Variants in REV3L observed in about 807,000 individuals in gnomAD.
The protein encoded by REV3L is REV3 like, DNA directed polymerase zeta catalytic subunit.
Under a neutral mutation model 299.4 loss-of-function variants are expected in REV3L, and 69 were observed. The ratio of observed to expected loss-of-function variants is 0.23; its 90% CI spans 0.19 to 0.28. REV3L has a LOEUF of 0.28. Ranked by LOEUF, REV3L falls within the 10% of genes least tolerant of loss-of-function variation. The probability of loss-of-function intolerance (pLI) is 1.00; values close to 1 mark genes in which losing one functional copy is unlikely to be tolerated. For missense variants in REV3L, 3,128 were observed against 3,693.8 expected (o/e 0.85, Z 3.97); for synonymous variants, 1,238 against 1,271.4 (o/e 0.97, Z 0.56).
At chr6:111,428,833 G>GA (rs888127505) in intron 1 of REV3L, among the ~76,000 whole-genome samples, 8 of 151,826 alleles carry the variant, frequency 5.3e-5, no homozygotes, top group East Asian at 3.9e-4. Context: ...AGAAATAACA[G>GA]AAAAAAATCC....
intron 4 of REV3L, among the ~76,000 whole-genome samples, chr6:111,398,730 T>C (rs1238422456): frequency 6.6e-6 from 1 of 152,136 alleles, no homozygotes; most frequent in Non-Finnish European, 1.5e-5. Context: ...GTAATGTGCC[T>C]GAGATAACAT....
chr6:111,422,064 A>G (rs79623814), intron 1 of REV3L, among the ~76,000 whole-genome samples: 5,472 of 152,302 alleles, frequency 0.036, 326 homozygotes, highest in African/African-American at 0.12. Flanking sequence ...TGGAAATTAG[A>G]TTTTCAGAAT....
intron 9 of REV3L, among the ~76,000 whole-genome samples, chr6:111,383,264 G>T (rs1419650792): frequency 6.6e-6 from 1 of 152,186 alleles, no homozygotes; most frequent in Admixed American, 6.5e-5. Flanking sequence ...AGTACTAGAA[G>T]TCCTAGTTAG....
intron 5 of REV3L, among the ~76,000 whole-genome samples, chr6:111,391,400 G>A (rs1781915116): frequency 6.6e-6 from 1 of 152,084 alleles, no homozygotes; most frequent in Admixed American, 6.5e-5. Flanking sequence ...AGAAAAACAT[G>A]TTAGCAAAAA....
In REV3L at chr6:111,373,398, C is replaced by T. The variant is rs1254811719; in HGVS notation, c.4957G>A (p.Gly1653Ser). 4.3e-6 allele frequency: 7 copies of T among 1,613,416 alleles called. No homozygotes were observed. The highest frequency in any genetic ancestry group is 5.9e-6 in the Non-Finnish European group (7 of 1,179,882). The change falls in exon 13 of 32, where the codon GGT (glycine) becomes AGT (serine). Residue 1653 changes from glycine to serine, a missense_variant. By Grantham distance (56) the Gly-to-Ser change is moderately conservative. Transcript: ENST00000368802. ...TAAAAGCTACAAAATCCAGTCTGAC[C>T]TATTGTGTTAATATCAAAATTATAA... ...HNYNFDINTI[G>S]QTGFCSFYSG... is the part of the protein sequence containing the mutation.
chr6:111,355,254 C>T (rs1201051875), intron 18 of REV3L, among the ~76,000 whole-genome samples: 1 of 152,074 alleles, frequency 6.6e-6, no homozygotes, highest in Non-Finnish European at 1.5e-5. Context: ...CCCTTACACA[C>T]AGTTAACATT....
Position 111,375,539 on chromosome 6 carries a change from T to C in REV3L, c.2816A>G (p.His939Arg). Residue 939 changes from histidine to arginine, a missense_variant, in exon 13 of 32, where the codon CAC becomes CGC. By Grantham distance (29) the His-to-Arg change is conservative. Around this residue, in one of 9 missense-constraint regions of REV3L, gnomAD observed 2,409 missense variants for 2,611.8 expected, o/e 0.92. Transcript: ENST00000368802. ...TEDSESSFVTHNSKISLPHPM... is the reference protein window; with the variant it reads ...TEDSESSFVTRNSKISLPHPM... ...ATGAGGTAGACTAATTTTTGAGTTG[T>C]GAGTTACAAAACTTGACTCACTGTC... 6.2e-7 allele frequency: 1 copy of C among 1,613,406 alleles called. No homozygotes were observed. Among genetic ancestry groups the C allele is most frequent in the Middle Eastern group, 1.7e-4 (1 of 6,060 alleles).
intron 22 of REV3L, among the ~76,000 whole-genome samples, chr6:111,334,673 G>A (rs568836122): frequency 6.6e-6 from 1 of 152,166 alleles, no homozygotes; most frequent in South Asian, 2.1e-4. Flanking sequence ...AGGTATTTTT[G>A]CCTTTTATTA....
In REV3L at chr6:111,303,165, C is replaced by CTTTTT. The variant is rs1189398273; in HGVS notation, c.9253-3014_9253-3010dup. On this transcript the variant is annotated intron_variant, in intron 31 of 31. Coordinates refer to ENST00000368802, the MANE Select transcript of REV3L (RefSeq NM_001372078.1). ...AATGTACTGAGGCTTTCTTTTCTTT[C>CTTTTT]TTTTTTTTTTTTTTTTTGAGATGAG... Among the ~76,000 whole-genome samples the CTTTTT allele has an allele frequency of 2.1e-4, 19 of 92,338 alleles. 3 individuals are homozygous for CTTTTT. Among genetic ancestry groups the CTTTTT allele is most frequent in the African/African-American group, 4.7e-4 (12 of 25,540 alleles). The allele number at this position is 92,338 out of a possible 152,430, so 60.6% of individuals were successfully genotyped here. A position where few individuals can be genotyped will look rare whatever the true frequency, so the allele number is the denominator to read the frequency against.
chr6:111,441,913 G>C (rs1788307909), intron 1 of REV3L, among the ~76,000 whole-genome samples: 1 of 152,156 alleles, frequency 6.6e-6, no homozygotes, highest in Non-Finnish European at 1.5e-5. Flanking sequence ...GTGTTCTATA[G>C]TCCTATGATT....
chr6:111,398,131 A>G (rs1191631688), intron 4 of REV3L, among the ~76,000 whole-genome samples: 1 of 151,768 alleles, frequency 6.6e-6, no homozygotes, highest in East Asian at 2.0e-4. Context: ...TTTGCTTTAT[A>G]TATGTGGGTG....
intron 1 of REV3L, among the ~76,000 whole-genome samples, chr6:111,473,949 A>C (rs1792574657): frequency 6.6e-6 from 1 of 152,290 alleles, no homozygotes; most frequent in South Asian, 2.1e-4. Flanking sequence ...GACTAGAATG[A>C]TGCTTCTCAA....
At chr6:111,435,557 G>GA (rs577377729) in intron 1 of REV3L, among the ~76,000 whole-genome samples, 1 of 152,002 alleles carries the variant, frequency 6.6e-6, no homozygotes, top group African/African-American at 2.4e-5. Context: ...ATACAATGGG[G>GA]AAAAAAACAG....
At chr6:111,368,264 A>G (rs942357638) in intron 13 of REV3L, among the ~76,000 whole-genome samples, 14 of 152,184 alleles carry the variant, frequency 9.2e-5, no homozygotes, top group African/African-American at 3.4e-4. Context: ...TTAGGGAGAG[A>G]AGGTATTTTT....
chr6:111,363,040 TACAGTG>T (rs1359465227), intron 16 of REV3L, among the ~76,000 whole-genome samples: 2 of 152,220 alleles, frequency 1.3e-5, no homozygotes, highest in Admixed American at 1.3e-4. Flanking sequence ...CAAATAAATT[TACAGTG>T]ACCCATTCAC....
chr6:111,320,330 T>G (rs1421834704), intron 26 of REV3L, among the ~76,000 whole-genome samples: 1 of 152,188 alleles, frequency 6.6e-6, no homozygotes, highest in Non-Finnish European at 1.5e-5. Context: ...CCTCCCAAAG[T>G]GCTGGGATTA....
chr6:111,409,624 T>A (rs891600638), intron 3 of REV3L, among the ~76,000 whole-genome samples: 1 of 152,124 alleles, frequency 6.6e-6, no homozygotes, highest in Non-Finnish European at 1.5e-5. Context: ...GAATGATGGG[T>A]TCTGTTTTCT....
In REV3L at chr6:111,482,876, T is replaced by G; in HGVS notation, c.13A>C (p.Arg5=). Residue 5 remains arginine, a synonymous_variant, in exon 1 of 32, where the codon AGG becomes CGG. Coordinates refer to ENST00000368802, the MANE Select transcript of REV3L (RefSeq NM_001372078.1). MFSV[R]IVTADYYMAS... ...ATGTAGTAGTCTGCAGTCACTATCC[T>G]TACTGAAAACATGTTCGCCGCCGCC... is the stretch of plus-strand genomic sequence containing the variant. 1 of 1,517,130 alleles carries G rather than the reference T, an allele frequency of 6.6e-7. No homozygotes were observed. Among genetic ancestry groups the G allele is most frequent in the Non-Finnish European group, 8.8e-7 (1 of 1,141,846 alleles). The allele number at this position is 1,517,130 out of a possible 1,614,324, so 94.0% of individuals were successfully genotyped here.
chr6:111,373,870 C>A lies in REV3L; in HGVS notation c.4485G>T (p.Ser1495=). The change falls in exon 13 of 32, where the codon TCG becomes TCT. Residue 1495 remains serine (S), a synonymous_variant. Transcript: ENST00000368802. ...TGGTTTGTGAAATTGCTTCTGATAA[C>A]GACCTCGGTTTTACTCTTTCAGGTT... ...NFKPERVKPR[S]LSEAISQTKA... 1.2e-6 allele frequency: 2 copies of A among 1,613,800 alleles called. No individual in the cohort carries two copies. The highest frequency in any genetic ancestry group is 2.7e-5 in the African/African-American group (2 of 74,906).
Sources: gnomAD v4.1 joint callset for allele counts (sites outside exome capture counted in the v4.1 genomes callset) on GRCh38, gnomAD v4.1.1 for gene constraint, gnomAD v4.1.1 regional missense constraint, MANE v1.5 for transcripts, NCBI Gene and HGNC (gene_info 2026-07-23, HGNC 2026-07-21) for gene names.